Variants in FUT8 observed in about 807,000 individuals in gnomAD.
The protein encoded by FUT8 is fucosyltransferase 8, also known as alpha-(1,6)-fucosyltransferase.
In FUT8, 29 loss-of-function variants were observed where a neutral mutation model predicts 71.3. That is an observed-to-expected ratio of 0.41 (90% CI 0.30 to 0.55). The LOEUF (loss-of-function observed/expected upper bound fraction) is 0.55. Ranked by LOEUF, FUT8 falls within the 20% of genes least tolerant of loss-of-function variation. The pLI is 0.34. For missense variants in FUT8, 544 were observed against 702.1 expected (o/e 0.77, Z 2.55); for synonymous variants, 254 against 239.3 (o/e 1.06, Z -0.57).
At chr14:65,556,863 G>C (rs758601512) in intron 2 of FUT8, among the ~76,000 whole-genome samples, 1 of 152,160 alleles carries the variant, frequency 6.6e-6, no homozygotes, top group African/African-American at 2.4e-5. Context: ...GCCTTTTCCA[G>C]TATTCTCTGG....
At chr14:65,531,061 T>C (rs1883925936) in intron 2 of FUT8, among the ~76,000 whole-genome samples, 1 of 151,372 alleles carries the variant, frequency 6.6e-6, no homozygotes, top group African/African-American at 2.4e-5. Flanking sequence ...CTTCTTACTC[T>C]TTCAAATTCC....
chr14:65,418,505 A>C (rs1215102663), intron 1 of FUT8, among the ~76,000 whole-genome samples: 2 of 152,238 alleles, frequency 1.3e-5, no homozygotes, highest in Non-Finnish European at 2.9e-5. Flanking sequence ...CCATAAGCTA[A>C]TCTAAGCATT....
chr14:65,728,685 A>G (rs556360517), intron 9 of FUT8, among the ~76,000 whole-genome samples: 2,885 of 99,242 alleles, frequency 0.029, 35 homozygotes, highest in Non-Finnish European at 0.039. Context: ...CTATGTTTAG[A>G]TAACACAAAT....
chr14:65,393,328 G>T, the FUT8 span, among the ~76,000 whole-genome samples: 1 of 152,182 alleles, frequency 6.6e-6, no homozygotes, highest in Non-Finnish European at 1.5e-5. Context: ...AAAGCAGAAG[G>T]ACCCAAAGAG....
chr14:65,490,568 A>C (rs944837533), intron 2 of FUT8, among the ~76,000 whole-genome samples: 14 of 152,124 alleles, frequency 9.2e-5, no homozygotes, highest in Non-Finnish European at 2.1e-4. Context: ...TATTTCTTCA[A>C]ATTTTACTCT....
At chr14:65,359,419 G>A in the FUT8 span, among the ~76,000 whole-genome samples, 1 of 152,146 alleles carries the variant, frequency 6.6e-6, no homozygotes, top group African/African-American at 2.4e-5. Context: ...ACGTTGTTGT[G>A]CAACCATCAC....
intron 3 of FUT8, among the ~76,000 whole-genome samples, chr14:65,608,645 C>T (rs1888714769): frequency 6.6e-6 from 1 of 151,996 alleles, no homozygotes; most frequent in East Asian, 1.9e-4. Flanking sequence ...AAATACATAT[C>T]AAATCTCAGA....
chr14:65,495,198 A>C (rs79336272), intron 2 of FUT8, among the ~76,000 whole-genome samples: 1 of 143,884 alleles, frequency 7.0e-6, no homozygotes, highest in South Asian at 2.2e-4. Flanking sequence ...AAAAAAAAAA[A>C]CCCAGTAAAT....
intron 6 of FUT8, chr14:65,645,891 A>G (rs1390693078): frequency 6.6e-6 from 1 of 152,196 alleles, no homozygotes; most frequent in Admixed American, 6.5e-5. Flanking sequence ...CACAAAAGCA[A>G]CTGTGAACTA....
chr14:65,627,627 T>C lies in FUT8; in HGVS notation c.483-1865T>C, dbSNP rs529891685. Among the ~76,000 whole-genome samples the C allele has an allele frequency of 6.6e-6, 1 of 152,342 alleles. No individual in the cohort carries two copies. Among genetic ancestry groups the C allele is most frequent in the African/African-American group, 2.4e-5 (1 of 41,570 alleles). ...GGGATCGCATATGCAGTGTGTTTAC[T>C]GAAGTTGTGCACATGCTCATTTGAG... On this transcript the variant is annotated intron_variant, in intron 5 of 10. Coordinates refer to ENST00000673929, the MANE Select transcript of FUT8 (RefSeq NM_001371533.1). The surrounding 1 kb of genome is among the most constrained non-coding windows in gnomAD (Gnocchi z 4.0).
intron 1 of FUT8, among the ~76,000 whole-genome samples, chr14:65,419,607 T>G (rs1344053545): frequency 6.6e-6 from 1 of 152,246 alleles, no homozygotes; most frequent in African/African-American, 2.4e-5. Flanking sequence ...ACTACTTGAT[T>G]CATTCAGTTG....
chr14:65,443,684 C>T (rs968371361), intron 1 of FUT8, among the ~76,000 whole-genome samples: 1 of 150,522 alleles, frequency 6.6e-6, no homozygotes, highest in Non-Finnish European at 1.5e-5. Context: ...TGTGCCACTG[C>T]TCTCCAGCCT....
intron 1 of FUT8, among the ~76,000 whole-genome samples, chr14:65,439,978 A>ACG (rs2065625657): frequency 1.5e-5 from 2 of 137,296 alleles, no homozygotes; most frequent in East Asian, 2.2e-4. Flanking sequence ...ATATATATAT[A>ACG]TATATATATA....
the FUT8 span, among the ~76,000 whole-genome samples, chr14:65,360,868 G>T: frequency 3.9e-5 from 6 of 152,296 alleles, no homozygotes; most frequent in South Asian, 1.2e-3. Context: ...CAAATTAGTT[G>T]GGTGACCTTG....
intron 1 of FUT8, among the ~76,000 whole-genome samples, chr14:65,439,954 G>GTGTGTGTGTGTATATA: frequency 8.0e-5 from 6 of 74,968 alleles, no homozygotes; most frequent in South Asian, 5.9e-4. Context: ...GTGTGTGTGT[G>GTGTGTGTGTGTATATA]TATATATATA....
chr14:65,444,356 A>C lies in FUT8; in HGVS notation c.-325-11265A>C, dbSNP rs185880827. Among the ~76,000 whole-genome samples the C allele has an allele frequency of 5.1e-3, 784 of 152,328 alleles. 3 individuals are homozygous for C. Among genetic ancestry groups the C allele is most frequent in the Non-Finnish European group, 9.0e-3 (614 of 68,020 alleles). On this transcript the variant is annotated intron_variant, in intron 1 of 10. Transcript: ENST00000673929. ...TAGAACTCTCCTGCCCTGCAGATGG[A>C]AATACAAAAAAGTATACAGCTACTT...
intron 2 of FUT8, among the ~76,000 whole-genome samples, chr14:65,531,467 T>C (rs1013520065): frequency 5.3e-5 from 8 of 151,980 alleles, no homozygotes; most frequent in African/African-American, 1.7e-4. Context: ...TTGTACATTG[T>C]GAGTCTTAAA....
At chr14:65,521,592 G>C (rs1001733263) in intron 2 of FUT8, among the ~76,000 whole-genome samples, 2 of 152,222 alleles carry the variant, frequency 1.3e-5, no homozygotes, top group Admixed American at 1.3e-4. Context: ...ATTCGGATAA[G>C]TGTGTTTCAG....
At chr14:65,435,293 A>G (rs2065537968) in intron 1 of FUT8, among the ~76,000 whole-genome samples, 1 of 152,104 alleles carries the variant, frequency 6.6e-6, no homozygotes, top group Non-Finnish European at 1.5e-5. Context: ...AATATTTTCT[A>G]TCCATATTGG....
Sources: gnomAD v4.1 joint callset for allele counts (sites outside exome capture counted in the v4.1 genomes callset) on GRCh38, gnomAD v4.1.1 for gene constraint, Gnocchi (gnomAD v3.1) non-coding constraint, MANE v1.5 for transcripts, NCBI Gene and HGNC (gene_info 2026-07-23, HGNC 2026-07-21) for gene names.